RGS7: variants seen among roughly 807,000 people sequenced by gnomAD.
The protein encoded by RGS7 is regulator of G-protein signaling 7.
In RGS7, 27 loss-of-function variants were observed where a neutral mutation model predicts 81.1. The observed-to-expected ratio is 0.33, with a 90% confidence interval of 0.25 to 0.46. RGS7 has a LOEUF of 0.46. RGS7 is among the 20% of genes least tolerant of loss of function. The pLI is 1.00. For missense variants in RGS7, 396 were observed against 607.4 expected (o/e 0.65, Z 3.66); for synonymous variants, 208 against 207.7 (o/e 1.00, Z -0.01).
chr1:241,137,960 C>T (rs1417541466), intron 2 of RGS7, among the ~76,000 whole-genome samples: 2 of 152,052 alleles, frequency 1.3e-5, no homozygotes, highest in African/African-American at 2.4e-5. Flanking sequence ...CACCTGAGGT[C>T]GGGAGTTCAA....
At chr1:241,234,072 T>C (rs1389141685) in intron 2 of RGS7, among the ~76,000 whole-genome samples, 2 of 152,224 alleles carry the variant, frequency 1.3e-5, no homozygotes, top group East Asian at 3.9e-4. Flanking sequence ...AGTCTCAGTT[T>C]ATGCATTACC....
chr1:241,088,646 C>T (rs2063623029), intron 3 of RGS7, among the ~76,000 whole-genome samples: 1 of 152,106 alleles, frequency 6.6e-6, no homozygotes, highest in African/African-American at 2.4e-5. Context: ...TAAACTTCCA[C>T]CGTAATACTA....
At chr1:240,785,261 G>A (rs1483825288) in intron 18 of RGS7, among the ~76,000 whole-genome samples, 4 of 152,132 alleles carry the variant, frequency 2.6e-5, no homozygotes, top group East Asian at 3.9e-4. Context: ...GCTGGCCCTT[G>A]TGCCTGCTGC....
intron 6 of RGS7, among the ~76,000 whole-genome samples, chr1:240,917,822 C>G (rs372519519): frequency 6.6e-6 from 1 of 152,040 alleles, no homozygotes; most frequent in Non-Finnish European, 1.5e-5. Flanking sequence ...CAGGGACTAT[C>G]AGAGTGGATA....
intron 2 of RGS7, among the ~76,000 whole-genome samples, chr1:241,189,586 T>C (rs1267544515): frequency 6.6e-6 from 1 of 152,228 alleles, no homozygotes; most frequent in Non-Finnish European, 1.5e-5. Context: ...GTCTTAGAGC[T>C]ATTTGCCTAG....
Position 241,306,306 on chromosome 1 carries a change from CAT to C in RGS7, c.78+49391_78+49392del, listed in dbSNP as rs527673723. Among the ~76,000 whole-genome samples, 389 of 151,136 alleles carry C rather than the reference CAT, an allele frequency of 2.6e-3. 3 individuals carry two copies. The highest frequency in any genetic ancestry group is 0.01 in the Middle Eastern group (3 of 288). ...CCTTACACACATACCCTCACATGTA[CAT>C]ATATACCCATGTCCACACCCTTACA... On this transcript the variant is annotated intron_variant, in intron 2 of 18. Transcript: ENST00000440928.
At chr1:240,829,543 C>T (rs1046436849) in intron 9 of RGS7, among the ~76,000 whole-genome samples, 13 of 152,252 alleles carry the variant, frequency 8.5e-5, no homozygotes, top group African/African-American at 2.4e-4. Flanking sequence ...ACTTTCCATT[C>T]GATTTCTATT....
intron 6 of RGS7, among the ~76,000 whole-genome samples, chr1:240,899,205 T>C (rs1429370454): frequency 1.3e-5 from 2 of 152,198 alleles, no homozygotes; most frequent in African/African-American, 4.8e-5. Flanking sequence ...GTCTCCTGAA[T>C]ACAGCACACT....
chr1:241,212,981 G>C (rs1190128199), intron 2 of RGS7, among the ~76,000 whole-genome samples: 2 of 152,154 alleles, frequency 1.3e-5, no homozygotes, highest in African/African-American at 2.4e-5. Flanking sequence ...GAGTGTCCTT[G>C]TGCGTGTGTT....
intron 2 of RGS7, among the ~76,000 whole-genome samples, chr1:241,280,445 C>T (rs1254951783): frequency 6.6e-6 from 1 of 152,192 alleles, no homozygotes; most frequent in Non-Finnish European, 1.5e-5. Context: ...GTAGTTCTAG[C>T]AAATGAACAC....
At chr1:240,903,424 C>T (rs1206672763) in intron 6 of RGS7, among the ~76,000 whole-genome samples, 1 of 151,928 alleles carries the variant, frequency 6.6e-6, no homozygotes, top group Non-Finnish European at 1.5e-5. Flanking sequence ...CCATGTTGGA[C>T]AGCACAAATC....
chr1:240,785,107 A>G (rs1362513461), intron 18 of RGS7, among the ~76,000 whole-genome samples: 1 of 152,218 alleles, frequency 6.6e-6, no homozygotes, highest in African/African-American at 2.4e-5. Flanking sequence ...AAGGGATGCT[A>G]GATGTTTGTT....
At chr1:240,812,770 C>T (rs972483049) in intron 13 of RGS7, among the ~76,000 whole-genome samples, 1 of 152,082 alleles carries the variant, frequency 6.6e-6, no homozygotes, top group Non-Finnish European at 1.5e-5. Flanking sequence ...CAGGGTCATG[C>T]AGGTATATTG....
chr1:240,986,732 GC>G lies in RGS7; in HGVS notation c.176-3604del, dbSNP rs1310965022. Among the ~76,000 whole-genome samples, 2 of 20,074 alleles carry G rather than the reference GC, an allele frequency of 1.0e-4. 1 individual carries two copies. Among genetic ancestry groups the G allele is most frequent in the Non-Finnish European group, 1.8e-4 (2 of 11,018 alleles). The allele number at this position is 20,074 out of a possible 152,430, so 13.2% of individuals were successfully genotyped here. A position where few individuals can be genotyped will look rare whatever the true frequency, so the allele number is the denominator to read the frequency against. On this transcript the variant is annotated intron_variant, in intron 3 of 18. Transcript: ENST00000440928. ...GGAGTAGCTGGGACTACAGGCGCCC[GC>G]CACCTCGCCCGGCTAATTTTTTGTA... is the stretch of plus-strand genomic sequence containing the variant.
chr1:241,127,865 T>C (rs1256943523), intron 2 of RGS7, among the ~76,000 whole-genome samples: 1 of 151,936 alleles, frequency 6.6e-6, no homozygotes, highest in Non-Finnish European at 1.5e-5. Context: ...TTCAGAAAGA[T>C]AAGAGGATGA....
chr1:241,156,169 G>GATAGATAGATAC (rs1475820224), intron 2 of RGS7, among the ~76,000 whole-genome samples: 13 of 142,752 alleles, frequency 9.1e-5, no homozygotes, highest in African/African-American at 2.8e-4. Flanking sequence ...TAGATAGATA[G>GATAGATAGATAC]ATACATATAC....
intron 3 of RGS7, among the ~76,000 whole-genome samples, chr1:241,048,838 G>A (rs2148797584): frequency 6.6e-6 from 1 of 152,290 alleles, no homozygotes; most frequent in South Asian, 2.1e-4. Flanking sequence ...GGTTCTGGAA[G>A]CTACAGGTCT....
chr1:241,182,175 C>A (rs901878478), intron 2 of RGS7, among the ~76,000 whole-genome samples: 1 of 152,164 alleles, frequency 6.6e-6, no homozygotes. Flanking sequence ...GAACTGGATC[C>A]CTGCCATCAC....
chr1:240,871,435 A>C (rs1454652851), intron 6 of RGS7, among the ~76,000 whole-genome samples: 1 of 152,230 alleles, frequency 6.6e-6, no homozygotes. Context: ...AATTTCTGTA[A>C]GGTTTCCTGT....
Sources: gnomAD v4.1 joint callset for allele counts (sites outside exome capture counted in the v4.1 genomes callset) on GRCh38, gnomAD v4.1.1 for gene constraint, MANE v1.5 for transcripts, NCBI Gene and HGNC (gene_info 2026-07-23, HGNC 2026-07-21) for gene names.